Variants in BCCIP observed in about 807,000 individuals in gnomAD.
BCCIP encodes the protein BRCA2 and CDKN1A-interacting protein.
BCCIP carries 23 observed loss-of-function variants against 32.8 expected under a neutral mutation model. That is an observed-to-expected ratio of 0.70 (90% CI 0.51 to 0.99). BCCIP has a LOEUF of 0.99. Among genes scored for constraint, BCCIP ranks in the 50% least tolerant of loss-of-function variants. The pLI, the probability that BCCIP is intolerant of heterozygous loss-of-function variation, is 0.00. For synonymous variants in BCCIP, 144 were observed against 137.6 expected (o/e 1.05, Z -0.33); for missense variants, 378 against 379.8 (o/e 1.00, Z 0.04).
intron 6 of BCCIP, 131 bp downstream of exon 6, chr10:125,834,077 A>G (rs1321267563): frequency 5.9e-6 from 6 of 1,009,940 alleles, no homozygotes; most frequent in Non-Finnish European, 8.8e-6. Flanking sequence ...CTGTTTCCCC[A>G]CAGGACCTAG....
intron 5 of BCCIP, 24 bp downstream of exon 5, chr10:125,831,631 T>G: frequency 1.9e-6 from 3 of 1,582,120 alleles, no homozygotes. Context: ...GGAAAATATC[T>G]TTGAACAGTA....
At chr10:125,843,548 C>G (rs1202971679), downstream of BCCIP, among the ~76,000 whole-genome samples, 2 of 151,800 alleles carry the variant, frequency 1.3e-5, no homozygotes, top group African/African-American at 4.8e-5. Flanking sequence ...GGAAGTGGAG[C>G]TTGTAGTGAG....
chr10:125,831,076 C>G (rs934988540), intron 4 of BCCIP, among the ~76,000 whole-genome samples: 1 of 152,208 alleles, frequency 6.6e-6, no homozygotes, highest in African/African-American at 2.4e-5. Context: ...AAACCAGCTG[C>G]TTACCCACCT....
intron 2 of BCCIP, among the ~76,000 whole-genome samples, chr10:125,827,313 C>G (rs542569244): frequency 6.6e-6 from 1 of 152,014 alleles, no homozygotes; most frequent in Non-Finnish European, 1.5e-5. Context: ...TATCCTCTCT[C>G]GTTTCTCCCT....
At chr10:125,839,120 G>A (rs771082972), downstream of BCCIP, 5 of 1,614,082 alleles carry the variant, frequency 3.1e-6, no homozygotes, top group Non-Finnish European at 2.5e-6. Flanking sequence ...AGTTCAGCTC[G>A]AATAACATCT....
exon 8 of BCCIP, chr10:125,853,266 C>A: frequency 6.7e-7 from 1 of 1,498,168 alleles, no homozygotes; most frequent in Non-Finnish European, 9.2e-7. Context: ...ATTTAGGAGG[C>A]TCATAGTCTC....
Position 125,836,269 on chromosome 10 carries a change from G to T in BCCIP, c.940G>T (p.Val314Phe). The T allele has an allele frequency of 6.2e-7, 1 of 1,614,178 alleles. No individual in the cohort carries two copies. Among genetic ancestry groups the T allele is most frequent in the Admixed American group, 1.7e-5 (1 of 60,022 alleles). The change falls in exon 7 of 7, where the codon GTC (valine) becomes TTC (phenylalanine). Residue 314 changes from valine (V) to phenylalanine (F), a missense_variant. Coordinates refer to ENST00000278100, the MANE Select transcript of BCCIP (RefSeq NM_078468.3). ...IMDKLKEYLS[V>F] The stretch of plus-strand genomic sequence containing the variant: ...GGATAAACTGAAAGAATATCTATCT[G>T]TCTAACCCATTTCCAATGGACAGTG...
At position 125,848,615 on chromosome 10, in the gene BCCIP, C is replaced by T. The variant is rs565433917; in HGVS notation, c.851-4510C>T. Among the ~76,000 whole-genome samples the T allele has an allele frequency of 6.6e-5, 10 of 152,284 alleles. No homozygotes were observed. The South Asian group carries it at 1.5e-3, about 22-fold the overall frequency. On this transcript the variant is annotated intron_variant, in intron 7 of 7. Coordinates refer to the BCCIP transcript ENST00000368759. Reference sequence around the variant, plus strand: ...GTGCTGTTGCTGTTATCTGCCATGGCTCTTCCTGGCTCCGGCCCATCTCAG... The same window carrying T: ...GTGCTGTTGCTGTTATCTGCCATGGTTCTTCCTGGCTCCGGCCCATCTCAG...
chr10:125,834,109 C>T, intron 6 of BCCIP, 163 bp downstream of exon 6: 1 of 718,798 alleles, frequency 1.4e-6, no homozygotes, highest in Non-Finnish European at 2.3e-6. Context: ...GTGCCAGGTG[C>T]ATAGTAGGTA....
chr10:125,837,174 T>A (rs931171673), downstream of BCCIP, among the ~76,000 whole-genome samples: 2 of 152,238 alleles, frequency 1.3e-5, no homozygotes, highest in African/African-American at 4.8e-5. Flanking sequence ...ACCAATCGTA[T>A]GCTTAAGAGA....
chr10:125,823,755 A>C (rs761237671), intron 1 of BCCIP, 33 bp downstream of exon 1: 2 of 1,608,374 alleles, frequency 1.2e-6, no homozygotes, highest in Non-Finnish European at 1.7e-6. Flanking sequence ...GTTGGTTTAT[A>C]CCTGAGAAAA....
At chr10:125,830,468 G>GAA (rs1854496495) in intron 3 of BCCIP, 94 bp from the exon 4 acceptor site, 2 of 735,794 alleles carry the variant, frequency 2.7e-6, no homozygotes, top group Non-Finnish European at 4.1e-6. Context: ...TTTGAAAAGT[G>GAA]AAAAGATAAA....
At chr10:125,830,009 G>GA (rs1282375308) in intron 3 of BCCIP, among the ~76,000 whole-genome samples, 1 of 151,738 alleles carries the variant, frequency 6.6e-6, no homozygotes, top group Non-Finnish European at 1.5e-5. Flanking sequence ...AAGGGCAGGG[G>GA]GTTCTCTTTT....
chr10:125,833,207 G>T (rs1854568455), intron 5 of BCCIP, among the ~76,000 whole-genome samples: 1 of 151,944 alleles, frequency 6.6e-6, no homozygotes, highest in South Asian at 2.1e-4. Context: ...AGGGCATCCA[G>T]ATGCACAAGG....
In BCCIP at chr10:125,830,655, G is replaced by T. The variant is rs1854500462; in HGVS notation, c.411+4G>T. On this transcript the variant is annotated splice_donor_region_variant and intron_variant, in intron 4 of 6. Coordinates refer to ENST00000278100, the MANE Select transcript of BCCIP (RefSeq NM_078468.3). The stretch of plus-strand genomic sequence containing the variant: ...TTTAAATTTAACTGAAAGAAAGGTT[G>T]GTTTCACTGGATGGCATCTGAATGG... 6.4e-7 allele frequency: 1 copy of T among 1,572,250 alleles called. No homozygotes were observed. Among genetic ancestry groups the T allele is most frequent in the Admixed American group, 1.7e-5 (1 of 58,570 alleles).
intron 6 of BCCIP, among the ~76,000 whole-genome samples, chr10:125,834,933 C>T (rs578186981): frequency 3.3e-5 from 5 of 151,376 alleles, no homozygotes; most frequent in South Asian, 2.1e-4. Flanking sequence ...GAGATCGAGA[C>T]CATCCTGGCT....
At chr10:125,850,185 C>G (rs2134040946) in intron 7 of BCCIP, among the ~76,000 whole-genome samples, 2 of 151,106 alleles carry the variant, frequency 1.3e-5, no homozygotes, top group South Asian at 4.2e-4. Context: ...TTATATTGCC[C>G]AGGCTGGTCT....
intron 6 of BCCIP, among the ~76,000 whole-genome samples, chr10:125,834,164 G>A (rs1283773666): frequency 6.6e-6 from 1 of 152,194 alleles, no homozygotes; most frequent in Non-Finnish European, 1.5e-5. Context: ...CTGTGGTTAT[G>A]AGCATGAGGA....
At chr10:125,832,715 G>A (rs1279367858) in intron 5 of BCCIP, among the ~76,000 whole-genome samples, 2 of 151,840 alleles carry the variant, frequency 1.3e-5, no homozygotes, top group African/African-American at 4.8e-5. Flanking sequence ...GAATGCTTGA[G>A]GCCAGGAGTT....
Sources: gnomAD v4.1 joint callset for allele counts (sites outside exome capture counted in the v4.1 genomes callset) on GRCh38, gnomAD v4.1.1 for gene constraint, MANE v1.5 for transcripts, NCBI Gene and HGNC (gene_info 2026-07-23, HGNC 2026-07-21) for gene names.